The following FARP2 variants were observed in gnomAD, a reference collection of about 807,000 sequenced individuals.
The protein encoded by FARP2 is FERM, ARHGEF and pleckstrin domain-containing protein 2.
FARP2 carries 111 observed loss-of-function variants against 130.5 expected under a neutral mutation model. The observed-to-expected ratio is 0.85, with a 90% CI of 0.73 to 1.00. The LOEUF (loss-of-function observed/expected upper bound fraction) is 1.00, where lower values mean the gene tolerates loss of function less well. FARP2 is among the 50% of genes least tolerant of loss of function. The pLI is 0.00. For missense variants in FARP2, 1,385 were observed against 1,346.3 expected (o/e 1.03, Z -0.45); for synonymous variants, 504 against 516.9 (o/e 0.98, Z 0.34).
chr2:241,429,349 T>C (rs1217321880), intron 8 of FARP2, among the ~76,000 whole-genome samples: 1 of 152,154 alleles, frequency 6.6e-6, no homozygotes, highest in African/African-American at 2.4e-5. Flanking sequence ...TCTTCCTCCT[T>C]TCCTTGGTTT....
In FARP2 at chr2:241,358,866, C is replaced by T. The variant is rs3771549; in HGVS notation, c.-25+2478C>T. Among the ~76,000 whole-genome samples the T allele has an allele frequency of 0.01, 1,526 of 152,222 alleles. 86 individuals carry two copies. The East Asian group carries it at 0.12, about 12-fold the overall frequency. ...CAGTCTTTGGTGATTTTCTGGGGAGCGTTTAGTTGACAGTGATTCTATAAA... is the reference window on the plus strand; with the variant it reads ...CAGTCTTTGGTGATTTTCTGGGGAGTGTTTAGTTGACAGTGATTCTATAAA... On this transcript the variant is annotated intron_variant, in intron 1 of 26. Transcript: ENST00000264042.
Position 241,456,836 on chromosome 2 carries a change from G to T in FARP2, c.1501G>T (p.Ala501Ser), listed in dbSNP as rs2063855163. The change falls in exon 14 of 27, where the codon GCT becomes TCT. Residue 501 changes from alanine (A) to serine (S), a missense_variant. By Grantham distance (99) the Ala-to-Ser change is moderately conservative. Transcript: ENST00000264042. ...SPAFQVPLGP[A>S]EQGSSPLLSP... The stretch of plus-strand genomic sequence containing the variant: ...TGCATTTCAGGTGCCTTTGGGCCCA[G>T]CTGAACAGGGCTCATCCCCACTCCT... 1 of 1,614,106 alleles carries T rather than the reference G, an allele frequency of 6.2e-7. No individual in the cohort carries two copies. Among genetic ancestry groups the T allele is most frequent in the Non-Finnish European group, 8.5e-7 (1 of 1,179,984 alleles).
chr2:241,438,779 G>T (rs1377247762), intron 12 of FARP2, among the ~76,000 whole-genome samples: 3 of 130,624 alleles, frequency 2.3e-5, no homozygotes, highest in Non-Finnish European at 4.9e-5. Flanking sequence ...ACAGGTGCCC[G>T]CCACCATGCC....
chr2:241,487,746 CTTTTTT>C (rs1167750549), intron 21 of FARP2, among the ~76,000 whole-genome samples: 4 of 73,232 alleles, frequency 5.5e-5, no homozygotes, highest in African/African-American at 1.1e-4. Context: ...CTAGCCTACT[CTTTTTT>C]TTTTTTTTTT....
At chr2:241,453,361 G>C (rs971739834) in intron 13 of FARP2, among the ~76,000 whole-genome samples, 1 of 148,838 alleles carries the variant, frequency 6.7e-6, no homozygotes, top group Non-Finnish European at 1.5e-5. Flanking sequence ...GGTGGCTCAT[G>C]CCTGTAATCC....
intron 18 of FARP2, among the ~76,000 whole-genome samples, chr2:241,472,341 C>T (rs1259184875): frequency 6.7e-6 from 1 of 149,762 alleles, no homozygotes; most frequent in Admixed American, 6.6e-5. Context: ...CTCAGGGGAC[C>T]CTGTTCTGTG....
chr2:241,421,341 C>G (rs2062802623), intron 8 of FARP2, among the ~76,000 whole-genome samples: 1 of 152,172 alleles, frequency 6.6e-6, no homozygotes, highest in African/African-American at 2.4e-5. Flanking sequence ...TTGTACAAAT[C>G]CCTAAGAAGG....
chr2:241,474,677 C>T (rs906606421), intron 18 of FARP2, among the ~76,000 whole-genome samples: 9 of 150,852 alleles, frequency 6.0e-5, no homozygotes, highest in South Asian at 2.1e-4. Context: ...CTGTAGTCCC[C>T]GCTACTCGGG....
intron 16 of FARP2, 124 bp downstream of exon 16, chr2:241,463,592 G>A: frequency 9.1e-7 from 1 of 1,095,624 alleles, no homozygotes; most frequent in African/African-American, 1.6e-5. Flanking sequence ...CATATTTTTA[G>A]GAGCCTGTGG....
chr2:241,400,475 G>A (rs1310895709), intron 2 of FARP2, among the ~76,000 whole-genome samples: 1 of 152,226 alleles, frequency 6.6e-6, no homozygotes, highest in Admixed American at 6.5e-5. Flanking sequence ...CAGCAGCAAT[G>A]CCAAAGGGCA....
intron 19 of FARP2, among the ~76,000 whole-genome samples, chr2:241,481,769 G>C (rs953340829): frequency 3.3e-5 from 5 of 152,204 alleles, no homozygotes; most frequent in African/African-American, 1.2e-4. Context: ...TGAAAAGACA[G>C]TTGAGAGTAG....
At chr2:241,384,846 A>T (rs1463707868) in intron 2 of FARP2, among the ~76,000 whole-genome samples, 1 of 152,242 alleles carries the variant, frequency 6.6e-6, no homozygotes, top group Non-Finnish European at 1.5e-5. Flanking sequence ...AAAAATACAC[A>T]GTGAGCTCTT....
intron 24 of FARP2, among the ~76,000 whole-genome samples, chr2:241,492,352 T>C (rs932761528): frequency 2.0e-5 from 3 of 152,146 alleles, no homozygotes; most frequent in African/African-American, 7.2e-5. Flanking sequence ...TTATGGCCAG[T>C]CCAGGACACC....
At chr2:241,473,845 C>T (rs1391160307) in intron 18 of FARP2, among the ~76,000 whole-genome samples, 1 of 152,226 alleles carries the variant, frequency 6.6e-6, no homozygotes, top group African/African-American at 2.4e-5. Flanking sequence ...CCTATGCTGG[C>T]TTCACTGAAG....
rs375931428 is a variant in FARP2 at position 241,482,297 on chromosome 2, C to G, written c.2263-1168C>G. ...CCAGTGCATGGTGGAGAAGGCGCCC[C>G]GTGGGTCTGGGACGCACATCCTGTG... On this transcript the variant is annotated intron_variant, in intron 19 of 26. Coordinates refer to ENST00000264042, the MANE Select transcript of FARP2 (RefSeq NM_014808.4). The surrounding 1 kb of genome is among the most constrained non-coding windows in gnomAD (Gnocchi z 4.6). 3.3e-5 allele frequency among the ~76,000 whole-genome samples: 5 copies of G among 152,150 alleles called. No individual in the cohort carries two copies. Among genetic ancestry groups the G allele is most frequent in the Non-Finnish European group, 7.4e-5 (5 of 68,018 alleles).
Position 241,459,314 on chromosome 2 carries a change from G to T in FARP2, c.1587+2392G>T, listed in dbSNP as rs1280508472. Among the ~76,000 whole-genome samples the T allele has an allele frequency of 6.6e-6, 1 of 152,218 alleles. No individual in the cohort carries two copies. The highest frequency in any genetic ancestry group is 1.5e-5 in the Non-Finnish European group (1 of 68,032). On this transcript the variant is annotated intron_variant, in intron 14 of 26. Transcript: ENST00000264042. This position sits in a 1 kb window ranked among gnomAD's most constrained non-coding sequence, Gnocchi z 5.3. ...ATTCACTGACGGTTCTGCTGGCAAGGCCTGGCAGACCACTCTCCTGGGGAG... is the reference window on the plus strand; with the variant it reads ...ATTCACTGACGGTTCTGCTGGCAAGTCCTGGCAGACCACTCTCCTGGGGAG...
At chr2:241,487,333 A>T (rs373736413) in intron 21 of FARP2, among the ~76,000 whole-genome samples, 36 of 152,200 alleles carry the variant, frequency 2.4e-4, no homozygotes, top group African/African-American at 8.0e-4. Context: ...TGATGGGGCT[A>T]TGCCCTGATA....
chr2:241,484,078 C>T, intron 20 of FARP2, 164 bp from the exon 21 acceptor site: 1 of 1,413,406 alleles, frequency 7.1e-7, no homozygotes, highest in Non-Finnish European at 9.3e-7. Flanking sequence ...TGCCTCTGGT[C>T]AAAAACGACC....
chr2:241,413,317 A>C lies in FARP2; in HGVS notation c.519A>C (p.Gly173=). Residue 173 remains glycine, a synonymous_variant, in exon 7 of 27, where the codon GGA becomes GGC. Transcript: ENST00000264042. ...TTTAACCTATCTCAGCGGAAATAGG[A>C]GATTACGATGAAACGCTGGACCGAG... ...LTSHLLQSEI[G]DYDETLDREH... is the part of the protein sequence containing the mutation. The C allele has an allele frequency of 6.2e-7, 1 of 1,605,470 alleles. No homozygotes were observed. The highest frequency in any genetic ancestry group is 8.5e-7 in the Non-Finnish European group (1 of 1,175,360).
Sources: allele counts gnomAD v4.1 joint callset (sites outside exome capture counted in the v4.1 genomes callset), GRCh38; gene constraint gnomAD v4.1.1; non-coding constraint Gnocchi (gnomAD v3.1); transcripts MANE v1.5; gene names NCBI Gene and HGNC (gene_info 2026-07-23, HGNC 2026-07-21).